Variants in WRN observed in about 807,000 individuals in gnomAD.
WRN encodes bifunctional 3'-5' exonuclease/ATP-dependent helicase WRN.
A neutral mutation model predicts 180.7 loss-of-function variants in WRN; 149 were observed. The observed-to-expected ratio is 0.82, with a 90% CI of 0.72 to 0.94. WRN has a LOEUF of 0.94. Among genes scored for constraint, WRN ranks in the 40% least tolerant of loss-of-function variants. The pLI is 0.00. For missense variants in WRN, 1,661 were observed against 1,700.1 expected (o/e 0.98, Z 0.40); for synonymous variants, 548 against 568.9 (o/e 0.96, Z 0.52).
At chr8:31,070,741 A>C (rs769578885) in intron 7 of WRN, among the ~76,000 whole-genome samples, 6 of 151,926 alleles carry the variant, frequency 3.9e-5, no homozygotes, top group African/African-American at 7.3e-5. Flanking sequence ...CCAGACCTGA[A>C]ACCTGAGCAA....
chr8:31,124,392 TG>T (rs1229154763), intron 21 of WRN, 129 bp from the exon 22 acceptor site: 2 of 686,742 alleles, frequency 2.9e-6, no homozygotes, highest in Non-Finnish European at 2.5e-6. Context: ...ATGCTAGAAA[TG>T]TTTTTTTATC....
chr8:31,060,054 TCAAAAAAAAAAAATC>T (rs1339531383), intron 3 of WRN, among the ~76,000 whole-genome samples: 2 of 148,566 alleles, frequency 1.3e-5, no homozygotes, highest in Non-Finnish European at 3.0e-5. Flanking sequence ...AGGCTCCGTC[TCAAAAAAAAAAAATC>T]CAAAAAAACA....
intron 34 of WRN, among the ~76,000 whole-genome samples, chr8:31,170,417 G>GT (rs1303546251): frequency 6.6e-6 from 1 of 151,982 alleles, no homozygotes; most frequent in African/African-American, 2.4e-5. Context: ...TATACAAATT[G>GT]TTTTGTAGAA....
At chr8:31,099,569 G>GTTTTTTTTTTTTTTTT (rs555227491) in intron 17 of WRN, among the ~76,000 whole-genome samples, 1 of 137,252 alleles carries the variant, frequency 7.3e-6, no homozygotes. Flanking sequence ...TTGTTTGTTT[G>GTTTTTTTTTTTTTTTT]TTTTTTTTTT....
rs769475638 is a variant in WRN, at chr8:31,101,002, G to A, written c.2088+47G>A. 12 of 1,512,314 alleles carry A rather than the reference G, an allele frequency of 7.9e-6. No homozygotes were observed. The South Asian group carries it at 8.0e-5, about 10-fold the overall frequency. 93.7% of individuals were successfully genotyped at this position (1,512,314 alleles called of 1,614,324 possible). On this transcript the variant is annotated intron_variant, in intron 18 of 34. Coordinates refer to ENST00000298139, the MANE Select transcript of WRN (RefSeq NM_000553.6). ...GTCCCGAAATTACATTCTTAATAAG[G>A]AGAGCATTCAGGATTGGGGAGTGGT...
At chr8:31,072,525 G>A (rs1812949679) in intron 7 of WRN, among the ~76,000 whole-genome samples, 1 of 152,052 alleles carries the variant, frequency 6.6e-6, no homozygotes, top group African/African-American at 2.4e-5. Context: ...ACAGAGACAG[G>A]GTCTCATTAT....
chr8:31,036,133 G>A (rs1811446348), intron 1 of WRN, among the ~76,000 whole-genome samples: 2 of 152,084 alleles, frequency 1.3e-5, no homozygotes, highest in South Asian at 2.1e-4. Flanking sequence ...TTCCCTGCCT[G>A]GTTTATTTCA....
At chr8:31,130,584 G>A (rs933307795) in intron 23 of WRN, among the ~76,000 whole-genome samples, 9 of 147,914 alleles carry the variant, frequency 6.1e-5, no homozygotes, top group Admixed American at 1.4e-4. Context: ...TTTTACAGTC[G>A]TTAGCGTTTA....
At position 31,064,953 on chromosome 8, in the gene WRN, G is replaced by T; in HGVS notation, c.394G>T (p.Ala132Ser). 1 of 1,613,644 alleles carries T rather than the reference G, an allele frequency of 6.2e-7. No homozygotes were observed. Among genetic ancestry groups the T allele is most frequent in the Non-Finnish European group, 8.5e-7 (1 of 1,179,774 alleles). Residue 132 changes from alanine to serine, a missense_variant, in exon 5 of 35, where the codon GCA becomes TCA. Around this residue, in one of 3 missense-constraint regions of WRN, gnomAD observed 500 missense variants for 504.1 expected, o/e 0.99. Transcript: ENST00000298139. The stretch of plus-strand genomic sequence containing the variant: ...ATTAAAAATGTTGCTTGAAAATAAA[G>T]CAGTTAAAAAGGCAGGTGTAGGAAT... ...QGLKMLLENK[A>S]VKKAGVGIEG...
intron 16 of WRN, 140 bp downstream of exon 16, chr8:31,092,038 G>A: frequency 1.3e-6 from 1 of 761,042 alleles, no homozygotes. Flanking sequence ...AGATGTCTGT[G>A]GTATATGAGA....
chr8:31,076,611 A>G (rs1207572543), intron 8 of WRN, among the ~76,000 whole-genome samples: 1 of 152,296 alleles, frequency 6.6e-6, no homozygotes, highest in East Asian at 1.9e-4. Context: ...TAAGGAAAAT[A>G]TTTAAGATTC....
chr8:31,066,856 T>C (rs774945646), intron 5 of WRN, among the ~76,000 whole-genome samples, 177 bp from the exon 6 acceptor site: 2 of 152,198 alleles, frequency 1.3e-5, no homozygotes, highest in Non-Finnish European at 2.9e-5. Context: ...ATTAAATTCT[T>C]ACAATGTGGA....
chr8:31,077,647 T>G (rs985879638), intron 8 of WRN, among the ~76,000 whole-genome samples: 1 of 152,216 alleles, frequency 6.6e-6, no homozygotes, highest in African/African-American at 2.4e-5. Flanking sequence ...TTACATGACT[T>G]TTACATGCAT....
chr8:31,145,463 T>C (rs868621889), intron 28 of WRN, among the ~76,000 whole-genome samples: 2 of 152,200 alleles, frequency 1.3e-5, no homozygotes, highest in African/African-American at 4.8e-5. Flanking sequence ...AAGCCCATTG[T>C]TGAAACCTGC....
Position 31,120,294 on chromosome 8 carries a change from C to G in WRN, c.2500C>G (p.Arg834Gly). 3 of 1,612,954 alleles carry G rather than the reference C, an allele frequency of 1.9e-6. No homozygotes were observed. Among genetic ancestry groups the G allele is most frequent in the Non-Finnish European group, 8.5e-7 (1 of 1,179,164 alleles). Residue 834 changes from arginine (R) to glycine (G), a missense_variant, in exon 21 of 35, where the codon CGC (arginine) becomes GGC (glycine). Arg to Gly is a moderately radical substitution (Grantham distance 125). This residue lies in a region of WRN where 1,141 missense variants were observed against 1,149.4 expected (regional missense o/e 0.99). Coordinates refer to ENST00000298139, the MANE Select transcript of WRN (RefSeq NM_000553.6). ...AATGGGCATTAATAAAGCTGACATTCGCCAAGTCATTCATTACGGTGCTCC... is the reference window on the plus strand; with the variant it reads ...AATGGGCATTAATAAAGCTGACATTGGCCAAGTCATTCATTACGGTGCTCC... ...FGMGINKADI[R>G]QVIHYGAPKD...
At chr8:31,111,356 A>AGTAAAT (rs1452508971) in intron 18 of WRN, among the ~76,000 whole-genome samples, 1 of 152,244 alleles carries the variant, frequency 6.6e-6, no homozygotes, top group Non-Finnish European at 1.5e-5. Flanking sequence ...AATAAGACAA[A>AGTAAAT]GTAAATGGCA....
At chr8:31,164,453 C>T (rs1158021623) in intron 33 of WRN, among the ~76,000 whole-genome samples, 6 of 152,094 alleles carry the variant, frequency 3.9e-5, no homozygotes, top group Non-Finnish European at 5.9e-5. Flanking sequence ...TTTATTATGA[C>T]ACAATATTTA....
intron 24 of WRN, among the ~76,000 whole-genome samples, chr8:31,135,619 G>T (rs2737333): frequency 0.38 from 58,232 of 151,976 alleles, 11,542 homozygotes; most frequent in East Asian, 0.62. Flanking sequence ...CTTTGTGAAG[G>T]TATCACTAGA....
intron 34 of WRN, among the ~76,000 whole-genome samples, chr8:31,171,883 C>T (rs1804113193): frequency 6.6e-6 from 1 of 152,082 alleles, no homozygotes; most frequent in Admixed American, 6.5e-5. Context: ...GTATTTTAGG[C>T]TAACAGACAC....
Sources: allele counts gnomAD v4.1 joint callset (sites outside exome capture counted in the v4.1 genomes callset), GRCh38; gene constraint gnomAD v4.1.1; regional missense constraint gnomAD v4.1.1; transcripts MANE v1.5; gene names NCBI Gene and HGNC (gene_info 2026-07-23, HGNC 2026-07-21).